Variants in HERC4 observed in about 807,000 individuals in gnomAD.
HERC4 encodes probable E3 ubiquitin-protein ligase HERC4.
A neutral mutation model predicts 124.3 loss-of-function variants in HERC4; 28 were observed. The ratio of observed to expected loss-of-function variants is 0.23; its 90% CI spans 0.17 to 0.31. The LOEUF is 0.31. Among genes scored for constraint, HERC4 ranks in the 10% least tolerant of loss-of-function variants. The pLI, the probability that HERC4 is intolerant of heterozygous loss-of-function variation, is 1.00. For synonymous variants in HERC4, 407 were observed against 421.5 expected, an observed-to-expected ratio of 0.97 and a Z score of 0.42; for missense variants, 713 against 1,229.3, an observed-to-expected ratio of 0.58 and a Z score of 6.28.
chr10:68,013,940 T>G, intron 9 of HERC4, 86 bp downstream of exon 9: 2 of 1,167,594 alleles, frequency 1.7e-6, no homozygotes, highest in Non-Finnish European at 2.4e-6. Context: ...CTTGGAATTC[T>G]TTCGCAGAAA....
chr10:68,063,308 C>G (rs915579755), intron 3 of HERC4, among the ~76,000 whole-genome samples: 1 of 152,100 alleles, frequency 6.6e-6, no homozygotes, highest in African/African-American at 2.4e-5. Flanking sequence ...CTCCTAGGTT[C>G]AAGCAATTCT....
intron 3 of HERC4, chr10:68,068,788 G>A (rs1433660953): frequency 6.6e-6 from 1 of 152,146 alleles, no homozygotes; most frequent in East Asian, 1.9e-4. Context: ...GTGAGATTAA[G>A]GATAAAAACC....
intron 3 of HERC4, among the ~76,000 whole-genome samples, chr10:68,051,206 T>C (rs1382419173): frequency 6.6e-6 from 1 of 152,056 alleles, no homozygotes; most frequent in Admixed American, 6.6e-5. Flanking sequence ...TTACAAATGT[T>C]TGATGCTAAA....
Position 67,941,111 on chromosome 10 carries a change from A to T in HERC4, c.2338-6T>A, listed in dbSNP as rs1326160670. ...AAATCACTGTCTTCAAATGTCTAAA[A>T]ATATAAGAAAAAGTAAACACATGTC... is the stretch of plus-strand genomic sequence containing the variant. On this transcript the variant is annotated splice_region_variant and splice_polypyrimidine_tract_variant and intron_variant, in intron 19 of 24. Transcript: ENST00000373700. The T allele has an allele frequency of 6.6e-7, 1 of 1,520,822 alleles. No homozygotes were observed. Among genetic ancestry groups the T allele is most frequent in the African/African-American group, 1.4e-5 (1 of 70,044 alleles). 94.2% of individuals were successfully genotyped at this position (1,520,822 alleles called of 1,614,324 possible).
At chr10:67,976,837 C>A (rs1217943585) in intron 15 of HERC4, among the ~76,000 whole-genome samples, 1 of 152,166 alleles carries the variant, frequency 6.6e-6, no homozygotes, top group Non-Finnish European at 1.5e-5. Flanking sequence ...GACTCCTGTC[C>A]ACAGAGGGAG....
At chr10:68,010,873 T>C (rs1460017444) in intron 9 of HERC4, 5 of 1,488,104 alleles carry the variant, frequency 3.4e-6, no homozygotes, top group Non-Finnish European at 4.7e-6. Context: ...TGAGATGTCC[T>C]GGGACTGGAT....
At position 68,058,082 on chromosome 10, in the gene HERC4, GA is replaced by G. The variant is rs76194386; in HGVS notation, c.227-13520del. 0.027 allele frequency among the ~76,000 whole-genome samples: 4,038 copies of G among 149,340 alleles called. 391 individuals are homozygous for G. In the East Asian group the frequency reaches 0.31, roughly 12 times the overall value. The stretch of plus-strand genomic sequence containing the variant: ...TCCATCACGTATGTGCTTCTCACAA[GA>G]AAAAAAAAGGCATCTTTAATTCTTT... On this transcript the variant is annotated intron_variant, in intron 3 of 24. Coordinates refer to ENST00000373700, the MANE Select transcript of HERC4 (RefSeq NM_015601.4).
chr10:67,935,699 C>T (rs2032297127), intron 22 of HERC4, among the ~76,000 whole-genome samples: 1 of 152,174 alleles, frequency 6.6e-6, no homozygotes, highest in Admixed American at 6.5e-5. Flanking sequence ...CTAAGGGAAA[C>T]TAATTTCTTC....
At chr10:67,984,030 G>A (rs1463854679) in intron 15 of HERC4, among the ~76,000 whole-genome samples, 1 of 152,030 alleles carries the variant, frequency 6.6e-6, no homozygotes, top group Non-Finnish European at 1.5e-5. Context: ...GGCCAGGCTT[G>A]GTGGCTCACG....
At chr10:68,040,617 G>A (rs1342393505) in intron 4 of HERC4, 10 of 273,128 alleles carry the variant, frequency 3.7e-5, no homozygotes, top group South Asian at 2.8e-4. Context: ...AAGGCTGGGC[G>A]TGGTGGCTCA....
chr10:68,034,903 G>A (rs1300623394), intron 5 of HERC4, among the ~76,000 whole-genome samples: 2 of 150,642 alleles, frequency 1.3e-5, no homozygotes, highest in Non-Finnish European at 2.9e-5. Context: ...AGAAAAATAC[G>A]GCAAATAGAT....
intron 9 of HERC4, chr10:67,994,063 T>C (rs1470607679): frequency 1.3e-5 from 2 of 152,228 alleles, no homozygotes; most frequent in Non-Finnish European, 2.9e-5. Context: ...ATCTAGGTTA[T>C]ACCAAAAATG....
At chr10:68,012,080 C>T (rs974384734) in intron 9 of HERC4, among the ~76,000 whole-genome samples, 10 of 152,328 alleles carry the variant, frequency 6.6e-5, no homozygotes, top group Non-Finnish European at 1.2e-4. Context: ...TCTGCAGCTT[C>T]CTTATCTCTC....
At chr10:67,932,510 A>G in intron 23 of HERC4, 87 bp downstream of exon 23, 1 of 1,156,498 alleles carries the variant, frequency 8.6e-7, no homozygotes, top group Non-Finnish European at 1.2e-6. Flanking sequence ...AATAAAGTGT[A>G]TAAAATAAAA....
At chr10:67,937,551 A>G (rs969452311) in intron 21 of HERC4, among the ~76,000 whole-genome samples, 9 of 152,222 alleles carry the variant, frequency 5.9e-5, no homozygotes, top group Admixed American at 5.9e-4. Context: ...TGAATCAAAT[A>G]AAAAAGAACC....
At chr10:67,975,712 T>C (rs1589228131) in intron 15 of HERC4, among the ~76,000 whole-genome samples, 1 of 152,236 alleles carries the variant, frequency 6.6e-6, no homozygotes, top group Non-Finnish European at 1.5e-5. Context: ...GGCTTAGCAT[T>C]GTACAAATAA....
At chr10:68,053,693 G>C (rs1197407983) in intron 3 of HERC4, among the ~76,000 whole-genome samples, 1 of 152,124 alleles carries the variant, frequency 6.6e-6, no homozygotes, top group African/African-American at 2.4e-5. Context: ...TGTAATGACA[G>C]CTAGAACAAA....
At chr10:68,054,630 C>CAT (rs758722233) in intron 3 of HERC4, among the ~76,000 whole-genome samples, 5 of 152,068 alleles carry the variant, frequency 3.3e-5, no homozygotes, top group Non-Finnish European at 7.4e-5. Flanking sequence ...AGGCATGAGA[C>CAT]ATATATCTGT....
At chr10:68,018,525 G>A (rs117421337) in intron 8 of HERC4, among the ~76,000 whole-genome samples, 14,321 of 152,062 alleles carry the variant, frequency 0.094, 893 homozygotes, top group Middle Eastern at 0.17. Flanking sequence ...ATATAAACAC[G>A]TTAAGTATAA....
Sources: gnomAD v4.1 joint callset for allele counts (sites outside exome capture counted in the v4.1 genomes callset) on GRCh38, gnomAD v4.1.1 for gene constraint, MANE v1.5 for transcripts, NCBI Gene and HGNC (gene_info 2026-07-23, HGNC 2026-07-21) for gene names.